Variants in FBXL7 observed in about 807,000 individuals in gnomAD.
FBXL7 encodes F-box/LRR-repeat protein 7.
FBXL7 carries 12 observed loss-of-function variants against 38.3 expected under a neutral mutation model. The observed-to-expected ratio is 0.31, with a 90% CI of 0.20 to 0.51. The LOEUF (loss-of-function observed/expected upper bound fraction) is 0.51, where lower values mean the gene tolerates loss of function less well. FBXL7 is among the 20% of genes least tolerant of loss of function. The probability of loss-of-function intolerance (pLI) is 0.98; values close to 1 mark genes in which losing one functional copy is unlikely to be tolerated. For missense variants in FBXL7, 567 were observed against 676.4 expected, an observed-to-expected ratio of 0.84 and a Z score of 1.79; for synonymous variants, 297 against 300.9, an observed-to-expected ratio of 0.99 and a Z score of 0.13.
intron 2 of FBXL7, among the ~76,000 whole-genome samples, chr5:15,771,844 T>C (rs1351355027): frequency 6.7e-6 from 1 of 150,236 alleles, no homozygotes; most frequent in African/African-American, 2.5e-5. Flanking sequence ...CTTGGCTCAC[T>C]GAAACTTCCG....
At chr5:15,819,673 A>G (rs1193948166) in intron 2 of FBXL7, among the ~76,000 whole-genome samples, 1 of 152,210 alleles carries the variant, frequency 6.6e-6, no homozygotes, top group African/African-American at 2.4e-5. Context: ...TGAAAGCCAC[A>G]AAAGCATGGA....
chr5:15,787,287 C>A (rs1188951018), intron 2 of FBXL7, among the ~76,000 whole-genome samples: 1 of 152,178 alleles, frequency 6.6e-6, no homozygotes, highest in Non-Finnish European at 1.5e-5. Context: ...TGATATGTGA[C>A]AAACTGCACA....
chr5:15,530,510 A>G (rs1183073640), intron 1 of FBXL7, among the ~76,000 whole-genome samples: 2 of 152,168 alleles, frequency 1.3e-5, no homozygotes, highest in Non-Finnish European at 2.9e-5. Flanking sequence ...TGGTCAACTA[A>G]AGCTTACAGA....
intron 2 of FBXL7, among the ~76,000 whole-genome samples, chr5:15,736,060 A>T (rs904873243): frequency 6.6e-6 from 1 of 152,212 alleles, no homozygotes; most frequent in Non-Finnish European, 1.5e-5. Context: ...GTTGCTTCAG[A>T]TGTAAGATTT....
In FBXL7 at chr5:15,749,316, T is replaced by C. The variant is rs546038155; in HGVS notation, c.127+133244T>C. The stretch of plus-strand genomic sequence containing the variant: ...GTGAGTTACACTTAGAAGGATTTAT[T>C]GACAAACTTGTTATAAGTGTGTATC... On this transcript the variant is annotated intron_variant, in intron 2 of 3. Transcript: ENST00000504595. 2.0e-3 allele frequency among the ~76,000 whole-genome samples: 309 copies of C among 151,518 alleles called. 2 individuals carry two copies. The highest frequency in any genetic ancestry group is 7.1e-3 in the African/African-American group (294 of 41,326).
In FBXL7 at chr5:15,541,443, G is replaced by GTATATATATATATA. The variant is rs56810372; in HGVS notation, c.37+40755_37+40768dup. 3.2e-3 allele frequency among the ~76,000 whole-genome samples: 122 copies of GTATATATATATATA among 38,416 alleles called. 2 individuals are homozygous for GTATATATATATATA. Among genetic ancestry groups the GTATATATATATATA allele is most frequent in the South Asian group, 5.1e-3 (4 of 790 alleles). The allele number at this position is 38,416 out of a possible 152,430, so 25.2% of individuals were successfully genotyped here. A position where few individuals can be genotyped will look rare whatever the true frequency, so the allele number is the denominator to read the frequency against. On this transcript the variant is annotated intron_variant, in intron 1 of 3. Coordinates refer to ENST00000504595, the MANE Select transcript of FBXL7 (RefSeq NM_012304.5). ...ACATATAGTATATATGTGTGTGTGT[G>GTATATATATATATA]TATATATATATATATATATATATAT...
rs146798570 is a variant in FBXL7, at chr5:15,638,383, G to A, written c.127+22311G>A. Among the ~76,000 whole-genome samples the A allele has an allele frequency of 3.3e-5, 5 of 152,342 alleles. No individual in the cohort carries two copies. In the East Asian group the frequency reaches 9.7e-4, roughly 29 times the overall value. Reference sequence around the variant, plus strand: ...TGGTCATTTATCCCCAGGCTATTCAGTGTGGGATCTGGGATCAGCAGCATC... The same window carrying A: ...TGGTCATTTATCCCCAGGCTATTCAATGTGGGATCTGGGATCAGCAGCATC... On this transcript the variant is annotated intron_variant, in intron 2 of 3. Coordinates refer to ENST00000504595, the MANE Select transcript of FBXL7 (RefSeq NM_012304.5).
chr5:15,860,941 GTTCTT>G (rs548061917), intron 2 of FBXL7, among the ~76,000 whole-genome samples: 93 of 152,314 alleles, frequency 6.1e-4, no homozygotes, highest in Non-Finnish European at 1.1e-3. Context: ...TGGAACCGCA[GTTCTT>G]ATCTGCTGAT....
At chr5:15,654,086 C>T (rs1490759757) in intron 2 of FBXL7, among the ~76,000 whole-genome samples, 1 of 152,074 alleles carries the variant, frequency 6.6e-6, no homozygotes, top group East Asian at 1.9e-4. Context: ...TTGTTTGAGC[C>T]AAACAAATAT....
At chr5:15,921,380 CAAAA>C (rs56077834) in intron 2 of FBXL7, among the ~76,000 whole-genome samples, 14 of 124,656 alleles carry the variant, frequency 1.1e-4, no homozygotes, top group Non-Finnish European at 1.2e-4. Flanking sequence ...GACTCCATCT[CAAAA>C]AAAAAAAAAA....
intron 1 of FBXL7, among the ~76,000 whole-genome samples, chr5:15,545,446 T>G (rs1737870284): frequency 6.6e-6 from 1 of 152,224 alleles, no homozygotes; most frequent in Admixed American, 6.5e-5. Context: ...GACAATCCCT[T>G]CTGGACACTA....
chr5:15,748,372 C>T (rs1561110840), intron 2 of FBXL7, among the ~76,000 whole-genome samples: 1 of 152,354 alleles, frequency 6.6e-6, no homozygotes, highest in Non-Finnish European at 1.5e-5. Context: ...TCCCCACCCA[C>T]ATCTCACCTT....
At chr5:15,708,808 A>T (rs1201480984) in intron 2 of FBXL7, among the ~76,000 whole-genome samples, 1 of 152,158 alleles carries the variant, frequency 6.6e-6, no homozygotes, top group African/African-American at 2.4e-5. Flanking sequence ...AGAGCATGTT[A>T]AGTAAAGTTT....
In FBXL7 at chr5:15,927,980, C is replaced by G. The variant is rs748177035; in HGVS notation, c.218C>G (p.Ser73Trp). 4.4e-6 allele frequency: 7 copies of G among 1,591,776 alleles called. No homozygotes were observed. Among genetic ancestry groups the G allele is most frequent in the Admixed American group, 1.7e-5 (1 of 58,866 alleles). ...NLPGFQNGRG[S>W]STSSSSITGE... is the part of the protein sequence containing the mutation. ...CCAGGATTTCAGAATGGAAGGGGCT[C>G]GTCCACCTCCTCGTCCTCCATCACC... is the stretch of plus-strand genomic sequence containing the variant. Residue 73 changes from serine to tryptophan, a missense_variant, in exon 3 of 4, where the codon TCG (serine) becomes TGG (tryptophan). Transcript: ENST00000504595.
At chr5:15,868,219 C>T (rs1034084215) in intron 2 of FBXL7, among the ~76,000 whole-genome samples, 4 of 151,884 alleles carry the variant, frequency 2.6e-5, no homozygotes, top group Non-Finnish European at 5.9e-5. Context: ...CAGGAACCTA[C>T]AACCTGCAAA....
At chr5:15,728,736 G>T (rs1352866695) in intron 2 of FBXL7, among the ~76,000 whole-genome samples, 1 of 152,138 alleles carries the variant, frequency 6.6e-6, no homozygotes, top group East Asian at 1.9e-4. Context: ...TCAAAGGCTT[G>T]TACAGACATC....
At chr5:15,502,156 G>A (rs1469724926) in intron 1 of FBXL7, among the ~76,000 whole-genome samples, 1 of 152,060 alleles carries the variant, frequency 6.6e-6, no homozygotes, top group Non-Finnish European at 1.5e-5. Context: ...TGTCAGTTCT[G>A]GGTGTATGCT....
chr5:15,749,279 C>A (rs945521277), intron 2 of FBXL7, among the ~76,000 whole-genome samples: 1 of 148,410 alleles, frequency 6.7e-6, no homozygotes. Context: ...TTCAAGAGTC[C>A]AAATTCAACT....
chr5:15,745,280 C>T lies in FBXL7; in HGVS notation c.127+129208C>T, dbSNP rs144128920. Among the ~76,000 whole-genome samples the T allele has an allele frequency of 4.0e-3, 606 of 152,088 alleles. 5 individuals carry two copies. The highest frequency in any genetic ancestry group is 0.014 in the African/African-American group (563 of 41,470). ...AGTGATAATCCTAGGTAGCAAAACCCTAGTGTAAGCTAATGCACTATTTTT... is the reference window on the plus strand; with the variant it reads ...AGTGATAATCCTAGGTAGCAAAACCTTAGTGTAAGCTAATGCACTATTTTT... On this transcript the variant is annotated intron_variant, in intron 2 of 3. Coordinates refer to ENST00000504595, the MANE Select transcript of FBXL7 (RefSeq NM_012304.5).
Sources: allele counts gnomAD v4.1 joint callset (sites outside exome capture counted in the v4.1 genomes callset), GRCh38; gene constraint gnomAD v4.1.1; transcripts MANE v1.5; gene names NCBI Gene and HGNC (gene_info 2026-07-23, HGNC 2026-07-21).